Variants in CTRB1 observed in about 807,000 individuals in gnomAD.
The protein encoded by CTRB1 is chymotrypsinogen B.
CTRB1 carries 15 observed loss-of-function variants against 20.4 expected under a neutral mutation model. The ratio of observed to expected loss-of-function variants is 0.74; its 90% CI spans 0.49 to 1.13. The LOEUF is 1.13. CTRB1 is among the 50% of genes most tolerant of loss of function. The pLI is 0.00. For synonymous variants in CTRB1, 92 were observed against 128.4 expected, an observed-to-expected ratio of 0.72 and a Z score of 1.92; for missense variants, 227 against 290.1, an observed-to-expected ratio of 0.78 and a Z score of 1.58.
intron 1 of CTRB1, among the ~76,000 whole-genome samples, chr16:75,219,486 G>T (rs1202958323): frequency 6.6e-6 from 1 of 151,904 alleles, no homozygotes; most frequent in Non-Finnish European, 1.5e-5. Flanking sequence ...CCATCTCCTG[G>T]GTTCAAATGA....
intron 1 of CTRB1, chr16:75,222,460 T>C (rs2076700660): frequency 4.4e-6 from 2 of 455,592 alleles, no homozygotes; most frequent in African/African-American, 2.0e-5. Flanking sequence ...AAGGAAAGTG[T>C]GTCCTCGAGG....
rs2076703723 is a variant in CTRB1 at position 75,222,761 on chromosome 16, C to T, written c.53-7C>T. 19 of 1,557,270 alleles carry T rather than the reference C, an allele frequency of 1.2e-5. No homozygotes were observed. The highest frequency in any genetic ancestry group is 1.6e-5 in the Non-Finnish European group (18 of 1,149,838). The stretch of plus-strand genomic sequence containing the variant: ...CCTCAGCCCTTATTCACCCCACTCC[C>T]CCCCAGGCTGCGGGGTCCCCGCCAT... On this transcript the variant is annotated splice_polypyrimidine_tract_variant and splice_region_variant and intron_variant, in intron 1 of 6. Transcript: ENST00000361017.
intron 1 of CTRB1, among the ~76,000 whole-genome samples, chr16:75,222,146 G>A (rs2039095497): frequency 7.0e-6 from 1 of 142,576 alleles, no homozygotes; most frequent in Admixed American, 7.7e-5. Flanking sequence ...GGGTGACAGA[G>A]CAAGACCCTA....
intron 1 of CTRB1, among the ~76,000 whole-genome samples, chr16:75,219,796 A>G (rs1026165626): frequency 2.6e-5 from 4 of 152,182 alleles, no homozygotes; most frequent in South Asian, 2.1e-4. Context: ...TGCTTCAGAT[A>G]TTTCTAAAAC....
chr16:75,219,663 C>A (rs1369174015), intron 1 of CTRB1, among the ~76,000 whole-genome samples: 1 of 152,150 alleles, frequency 6.6e-6, no homozygotes, highest in African/African-American at 2.4e-5. Flanking sequence ...GGATTACAGG[C>A]ATGAGCTACT....
At position 75,221,804 on chromosome 16, in the gene CTRB1, T is replaced by A. The variant is rs1395516454; in HGVS notation, c.53-964T>A. On this transcript the variant is annotated intron_variant, in intron 1 of 6. Transcript: ENST00000361017. The stretch of plus-strand genomic sequence containing the variant: ...AAGGCTGGGCACGGTGGCTCACGCC[T>A]GTAATCCCAGCACTTTGGGAGGCCG... Among the ~76,000 whole-genome samples the A allele has an allele frequency of 2.0e-5, 3 of 151,860 alleles. No homozygotes were observed. In the East Asian group the frequency reaches 5.9e-4, roughly 30 times the overall value.
chr16:75,222,380 C>T (rs1033823653), intron 1 of CTRB1, among the ~76,000 whole-genome samples: 2 of 152,180 alleles, frequency 1.3e-5, no homozygotes, highest in African/African-American at 4.8e-5. Flanking sequence ...TCACGTGGTT[C>T]TGCTGCCCTT....
intron 6 of CTRB1, 138 bp from the exon 7 acceptor site, chr16:75,224,567 A>C: frequency 9.4e-7 from 1 of 1,068,014 alleles, no homozygotes; most frequent in Non-Finnish European, 1.3e-6. Context: ...AGGGTCTTTC[A>C]TAACCCACGC....
At position 75,222,691 on chromosome 16, in the gene CTRB1, C is replaced by T. The variant is rs550182975; in HGVS notation, c.53-77C>T. 219 of 1,463,998 alleles carry T rather than the reference C, an allele frequency of 1.5e-4. No homozygotes were observed. The African/African-American group carries it at 2.1e-3, about 14-fold the overall frequency. The allele number at this position is 1,463,998 out of a possible 1,614,324, so 90.7% of individuals were successfully genotyped here. A position where few individuals can be genotyped will look rare whatever the true frequency, so the allele number is the denominator to read the frequency against. ...TGGCTTCAGTGGACTGGGGTAGAAC[C>T]GGGAGAGCTGCACGCAGGCAGGTGA... On this transcript the variant is annotated intron_variant, in intron 1 of 6. Transcript: ENST00000361017.
At chr16:75,224,377 C>T (rs936380656) in intron 6 of CTRB1, among the ~76,000 whole-genome samples, 189 bp downstream of exon 6, 3 of 152,202 alleles carry the variant, frequency 2.0e-5, no homozygotes, top group Non-Finnish European at 4.4e-5. Flanking sequence ...CAATCTGGAC[C>T]GTGGATCCCA....
intron 1 of CTRB1, among the ~76,000 whole-genome samples, chr16:75,221,225 G>A (rs537374125): frequency 1.3e-5 from 2 of 152,264 alleles, no homozygotes; most frequent in East Asian, 1.9e-4. Context: ...GTTGGCCCGC[G>A]CACAGGAGTC....
At chr16:75,222,064 G>GAAAAAA (rs71158588) in intron 1 of CTRB1, among the ~76,000 whole-genome samples, 3 of 108,602 alleles carry the variant, frequency 2.8e-5, no homozygotes, top group Non-Finnish European at 3.7e-5. Flanking sequence ...GTCTCAAAAA[G>GAAAAAA]AAAAAAAAAA....
rs752813982 is a variant in CTRB1, at chr16:75,219,022, G to T, written c.15G>T (p.Trp5Cys). ...GAGGCAGCGGCATGGCTTCCCTCTG[G>T]CTCCTCTCCTGCTTCTCCCTTGTGG... MASL[W>C]LLSCFSLVGA... Residue 5 changes from tryptophan (W) to cysteine (C), a missense_variant, in exon 1 of 7, where the codon TGG becomes TGT. Trp to Cys is a radical substitution (Grantham distance 215, BLOSUM62 -2). This residue lies in a region of CTRB1 where 71 missense variants were observed against 69.1 expected (regional missense o/e 1.03). Coordinates refer to ENST00000361017, the MANE Select transcript of CTRB1 (RefSeq NM_001906.6). 1 of 1,591,446 alleles carries T rather than the reference G, an allele frequency of 6.3e-7. No homozygotes were observed. Among genetic ancestry groups the T allele is most frequent in the African/African-American group, 1.3e-5 (1 of 74,776 alleles).
chr16:75,220,622 C>T (rs2039070082), intron 1 of CTRB1, among the ~76,000 whole-genome samples: 1 of 152,230 alleles, frequency 6.6e-6, no homozygotes, highest in South Asian at 2.1e-4. Flanking sequence ...ATTCTACCTC[C>T]ATTCTACAAC....
rs761323246 is a variant in CTRB1 at position 75,224,818 on chromosome 16, T to C, written c.744T>C (p.Arg248=). 310 of 1,613,894 alleles carry C rather than the reference T, an allele frequency of 1.9e-4. 1 individual carries two copies. The highest frequency in any genetic ancestry group is 2.5e-4 in the Non-Finnish European group (299 of 1,180,024). ...CCTCCAGCCCTGGCGTGTACGCCCG[T>C]GTCACCAAGCTCATACCTTGGGTGC... ...CSTSSPGVYA[R]VTKLIPWVQK... Residue 248 remains arginine, a synonymous_variant, in exon 7 of 7, where the codon CGT becomes CGC. Transcript: ENST00000361017.
chr16:75,224,294 G>C, intron 6 of CTRB1, 106 bp downstream of exon 6: 3 of 1,542,626 alleles, frequency 1.9e-6, no homozygotes, highest in Non-Finnish European at 2.6e-6. Flanking sequence ...TCCTTCCTGG[G>C]TGTCAGAGTC....
At position 75,219,068 on chromosome 16, in the gene CTRB1, T is replaced by A; in HGVS notation, c.52+9T>A. 6.3e-7 allele frequency: 1 copy of A among 1,584,646 alleles called. No homozygotes were observed. Among genetic ancestry groups the A allele is most frequent in the Admixed American group, 1.8e-5 (1 of 55,790 alleles). ...TGTGGGGGCCGCCTTTGGTGAGTGCTGGTGCCCGAGGGGTCTGTCCTGAGG... is the reference window on the plus strand; with the variant it reads ...TGTGGGGGCCGCCTTTGGTGAGTGCAGGTGCCCGAGGGGTCTGTCCTGAGG... On this transcript the variant is annotated intron_variant, in intron 1 of 6. Coordinates refer to ENST00000361017, the MANE Select transcript of CTRB1 (RefSeq NM_001906.6).
chr16:75,222,852 C>A lies in CTRB1; in HGVS notation c.137C>A (p.Pro46His). 1 of 1,523,930 alleles carries A rather than the reference C, an allele frequency of 6.6e-7. No individual in the cohort carries two copies. The highest frequency in any genetic ancestry group is 8.9e-7 in the Non-Finnish European group (1 of 1,127,772). 94.4% of individuals were successfully genotyped at this position (1,523,930 alleles called of 1,614,324 possible). A position where few individuals can be genotyped will look rare whatever the true frequency, so the allele number is the denominator to read the frequency against. The change falls in exon 2 of 7, where the codon CCC becomes CAC. Residue 46 changes from proline to histidine, a missense_variant. Around this residue, in one of 4 missense-constraint regions of CTRB1, gnomAD observed 71 missense variants for 69.1 expected, o/e 1.03. Coordinates refer to ENST00000361017, the MANE Select transcript of CTRB1 (RefSeq NM_001906.6). ...NGEDAVPGSW[P>H]WQVSLQDKTG... ...GAGGACGCCGTCCCCGGCTCCTGGC[C>A]CTGGCAGGTGTCCCTGCAGGTGAGG...
At chr16:75,219,491 A>G (rs1175403575) in intron 1 of CTRB1, among the ~76,000 whole-genome samples, 1 of 151,948 alleles carries the variant, frequency 6.6e-6, no homozygotes, top group African/African-American at 2.4e-5. Context: ...TCCTGGGTTC[A>G]AATGATCTTC....
Sources: allele counts gnomAD v4.1 joint callset (sites outside exome capture counted in the v4.1 genomes callset), GRCh38; gene constraint gnomAD v4.1.1; regional missense constraint gnomAD v4.1.1; transcripts MANE v1.5; gene names NCBI Gene and HGNC (gene_info 2026-07-23, HGNC 2026-07-21).